SSH1: variants seen among roughly 807,000 people sequenced by gnomAD.
The protein encoded by SSH1 is protein phosphatase Slingshot homolog 1.
SSH1 carries 43 observed loss-of-function variants against 79.7 expected under a neutral mutation model. That is an observed-to-expected ratio of 0.54 (90% CI 0.42 to 0.70). SSH1 has a LOEUF of 0.70. Among genes scored for constraint, SSH1 ranks in the 30% least tolerant of loss-of-function variants. SSH1 has a pLI of 0.00. For synonymous variants in SSH1, 599 were observed against 538.3 expected (o/e 1.11, Z -1.56); for missense variants, 1,206 against 1,358.8 (o/e 0.89, Z 1.77).
chr12:108,853,713 C>G (rs1018178230), intron 1 of SSH1, among the ~76,000 whole-genome samples: 5 of 152,142 alleles, frequency 3.3e-5, no homozygotes, highest in Admixed American at 2.0e-4. Flanking sequence ...CACCTGAGGT[C>G]AGGAGTTCGA....
chr12:108,794,293 TG>T (rs1261540232), intron 13 of SSH1, among the ~76,000 whole-genome samples: 3 of 152,218 alleles, frequency 2.0e-5, no homozygotes, highest in Non-Finnish European at 4.4e-5. Flanking sequence ...CCTGGGGTAC[TG>T]GAACTACGGT....
Position 108,788,669 on chromosome 12 carries a change from G to A in SSH1, c.2469C>T (p.Arg823=). The part of the protein sequence containing the change: ...IIQLQKAGLV[R]KHTKELERLK... ...GCCGCTCTAGCTCTTTGGTGTGCTT[G>A]CGGACCAAGCCTGCCTTCTGCAGCT... Residue 823 remains arginine, a synonymous_variant, in exon 15 of 15, where the codon CGC becomes CGT. Transcript: ENST00000326495. 6.2e-7 allele frequency: 1 copy of A among 1,614,076 alleles called. No homozygotes were observed. Among genetic ancestry groups the A allele is most frequent in the Non-Finnish European group, 8.5e-7 (1 of 1,180,030 alleles).
chr12:108,801,506 C>T (rs1044121275), intron 11 of SSH1, among the ~76,000 whole-genome samples: 2 of 152,040 alleles, frequency 1.3e-5, no homozygotes, highest in Admixed American at 6.6e-5. Context: ...AATATTTAGA[C>T]ATGCTTAAAA....
chr12:108,835,693 G>A (rs2038586887), intron 2 of SSH1, among the ~76,000 whole-genome samples: 1 of 151,940 alleles, frequency 6.6e-6, no homozygotes, highest in Non-Finnish European at 1.5e-5. Flanking sequence ...GAGTTGGGGA[G>A]GGGGTGTGGG....
intron 3 of SSH1, 124 bp downstream of exon 3, chr12:108,823,134 C>A: frequency 1.1e-6 from 1 of 894,946 alleles, no homozygotes; most frequent in South Asian, 1.4e-5. Context: ...CTGCACTGGT[C>A]ACTGCAAACC....
At chr12:108,826,513 A>C (rs967317034) in intron 2 of SSH1, 2 of 126,738 alleles carry the variant, frequency 1.6e-5, no homozygotes, top group Admixed American at 9.5e-5. Flanking sequence ...ATACAGCCAG[A>C]GGAAACCGCA....
At chr12:108,789,949 C>T (rs772259265) in intron 14 of SSH1, among the ~76,000 whole-genome samples, 4 of 152,088 alleles carry the variant, frequency 2.6e-5, no homozygotes, top group African/African-American at 7.2e-5. Context: ...CTGCCTCGGC[C>T]TCCCAAAGTG....
At chr12:108,827,487 TC>T (rs2038355234) in intron 2 of SSH1, 2 of 1,298,648 alleles carry the variant, frequency 1.5e-6, no homozygotes, top group Admixed American at 3.7e-5. Flanking sequence ...CTCCTCAGAG[TC>T]CTACCCGAAA....
At chr12:108,801,052 G>T in intron 11 of SSH1, 126 bp from the exon 12 acceptor site, 1 of 979,108 alleles carries the variant, frequency 1.0e-6, no homozygotes, top group Non-Finnish European at 1.5e-6. Flanking sequence ...TGTTCGTGGC[G>T]GGACTTTGGT....
At chr12:108,815,815 T>C (rs1279506295) in intron 5 of SSH1, among the ~76,000 whole-genome samples, 1 of 152,204 alleles carries the variant, frequency 6.6e-6, no homozygotes, top group African/African-American at 2.4e-5. Flanking sequence ...TTTCTCATAG[T>C]GCTATTTATT....
chr12:108,806,278 A>G lies in SSH1; in HGVS notation c.825+23T>C, dbSNP rs530359538. On this transcript the variant is annotated intron_variant, in intron 9 of 14. Coordinates refer to ENST00000326495, the MANE Select transcript of SSH1 (RefSeq NM_018984.4). ...GGAGGCTGCATGACCTCTGACCTGCAATGAAGGGAGGAGTTGTCTTACCTC... is the reference window on the plus strand; with the variant it reads ...GGAGGCTGCATGACCTCTGACCTGCGATGAAGGGAGGAGTTGTCTTACCTC... 180 of 1,607,998 alleles carry G rather than the reference A, an allele frequency of 1.1e-4. 1 individual carries two copies. The South Asian group carries it at 1.9e-3, about 17-fold the overall frequency.
intron 2 of SSH1, chr12:108,827,238 C>T (rs2137209958): frequency 2.6e-6 from 4 of 1,530,354 alleles, no homozygotes; most frequent in South Asian, 2.5e-5. Flanking sequence ...GGCAGGAAAC[C>T]AGTAATCAGG....
At position 108,857,573 on chromosome 12, in the gene SSH1, C is replaced by T. The variant is rs1401271988; in HGVS notation, c.-77G>A. On this transcript the variant is annotated 5_prime_UTR_variant, in exon 1 of 15. Coordinates refer to ENST00000326495, the MANE Select transcript of SSH1 (RefSeq NM_018984.4). The surrounding 1 kb of genome is among the most constrained non-coding windows in gnomAD (Gnocchi z 4.7). ...CCGCCACCGCCGCCCGGGCCGGGCC[C>T]GGGGCCTCCTGGAGCCGCGCGCGGG... The T allele has an allele frequency of 1.1e-5, 10 of 904,226 alleles. No individual in the cohort carries two copies. Among genetic ancestry groups the T allele is most frequent in the Admixed American group, 6.3e-5 (1 of 15,776 alleles). The allele number at this position is 904,226 out of a possible 1,614,324, so 56.0% of individuals were successfully genotyped here.
At chr12:108,794,558 C>G (rs1435389193) in intron 13 of SSH1, among the ~76,000 whole-genome samples, 1 of 152,166 alleles carries the variant, frequency 6.6e-6, no homozygotes, top group Non-Finnish European at 1.5e-5. Context: ...TTATTATTTA[C>G]TACAAGCCAG....
chr12:108,815,641 G>A (rs2037849327), intron 5 of SSH1, among the ~76,000 whole-genome samples: 1 of 152,152 alleles, frequency 6.6e-6, no homozygotes, highest in Non-Finnish European at 1.5e-5. Flanking sequence ...CTGCCTGGTG[G>A]CACCCCATCC....
At chr12:108,830,924 T>A (rs1469672124) in intron 2 of SSH1, among the ~76,000 whole-genome samples, 1 of 150,394 alleles carries the variant, frequency 6.6e-6, no homozygotes, top group Non-Finnish European at 1.5e-5. Context: ...GGGTGACAGC[T>A]GTGAGCCACC....
chr12:108,811,940 C>T (rs1336899458), intron 5 of SSH1, among the ~76,000 whole-genome samples: 1 of 152,138 alleles, frequency 6.6e-6, no homozygotes, highest in Non-Finnish European at 1.5e-5. Context: ...TGTGAGAAGC[C>T]GCTGTAACCG....
chr12:108,848,236 C>T (rs936346273), intron 2 of SSH1, among the ~76,000 whole-genome samples: 6 of 152,100 alleles, frequency 3.9e-5, no homozygotes, highest in African/African-American at 9.7e-5. Context: ...CCTGAAGAGG[C>T]GCCACCAGGG....
chr12:108,811,220 CTACA>C (rs1214402531), intron 6 of SSH1, 36 bp downstream of exon 6: 2 of 1,592,800 alleles, frequency 1.3e-6, no homozygotes, highest in South Asian at 1.1e-5. Flanking sequence ...TCAATGCCTA[CTACA>C]TACAGTGAGA....
Sources: allele counts gnomAD v4.1 joint callset (sites outside exome capture counted in the v4.1 genomes callset), GRCh38; gene constraint gnomAD v4.1.1; non-coding constraint Gnocchi (gnomAD v3.1); transcripts MANE v1.5; gene names NCBI Gene and HGNC (gene_info 2026-07-23, HGNC 2026-07-21).